Variants in KDM4C observed in about 807,000 individuals in gnomAD.
The protein encoded by KDM4C is lysine-specific demethylase 4C.
In KDM4C, 81 loss-of-function variants were observed where a neutral mutation model predicts 129.3. The ratio of observed to expected loss-of-function variants is 0.63; its 90% CI spans 0.52 to 0.75. The LOEUF is 0.75. Ranked by LOEUF, KDM4C falls within the 30% of genes least tolerant of loss-of-function variation. The pLI, the probability that KDM4C is intolerant of heterozygous loss-of-function variation, is 0.00. For synonymous variants in KDM4C, 573 were observed against 456.1 expected (o/e 1.26, Z -3.26); for missense variants, 1,457 against 1,304.0 (o/e 1.12, Z -1.81).
intron 19 of KDM4C, among the ~76,000 whole-genome samples, chr9:7,157,686 G>A (rs1295280354): frequency 6.6e-6 from 1 of 152,210 alleles, no homozygotes; most frequent in South Asian, 2.1e-4. Flanking sequence ...AACCAGCCTT[G>A]CATCCCAGGG....
At chr9:6,730,723 C>T (rs557443084) in intron 1 of KDM4C, among the ~76,000 whole-genome samples, 1 of 152,148 alleles carries the variant, frequency 6.6e-6, no homozygotes, top group East Asian at 1.9e-4. Flanking sequence ...TCCAGGGATG[C>T]CTCATGGTCA....
intron 1 of KDM4C, among the ~76,000 whole-genome samples, chr9:6,769,595 A>T (rs1241640861): frequency 6.6e-6 from 1 of 152,014 alleles, no homozygotes; most frequent in Non-Finnish European, 1.5e-5. Context: ...GTTAAAGCAC[A>T]GTAAAGAACC....
At chr9:6,854,952 A>T (rs929536525) in intron 5 of KDM4C, among the ~76,000 whole-genome samples, 1 of 152,160 alleles carries the variant, frequency 6.6e-6, no homozygotes, top group African/African-American at 2.4e-5. Context: ...CTCTCCTAAA[A>T]TACTCAGATG....
chr9:6,941,719 T>G (rs3818901), intron 8 of KDM4C: 39,381 of 152,138 alleles, frequency 0.26, 5,556 homozygotes, highest in South Asian at 0.42. Flanking sequence ...CATGCGCTCC[T>G]TACCACGGTC....
chr9:6,735,265 G>T (rs935534563), intron 1 of KDM4C, among the ~76,000 whole-genome samples: 1 of 152,070 alleles, frequency 6.6e-6, no homozygotes, highest in Non-Finnish European at 1.5e-5. Context: ...GTGTTGTCTG[G>T]TAGGAAAATG....
At chr9:6,963,388 A>G (rs112576951) in intron 8 of KDM4C, among the ~76,000 whole-genome samples, 1,939 of 152,336 alleles carry the variant, frequency 0.013, 45 homozygotes, top group African/African-American at 0.044. Context: ...GATAAGCACA[A>G]TCTTTGTCCT....
chr9:7,096,405 G>T (rs939523318), intron 17 of KDM4C, among the ~76,000 whole-genome samples: 1 of 152,176 alleles, frequency 6.6e-6, no homozygotes, highest in Non-Finnish European at 1.5e-5. Context: ...GGAAAAAAGG[G>T]CAGGAAGCAT....
At chr9:7,153,237 A>G (rs1842874203) in intron 19 of KDM4C, among the ~76,000 whole-genome samples, 1 of 152,174 alleles carries the variant, frequency 6.6e-6, no homozygotes, top group African/African-American at 2.4e-5. Context: ...CACCATGCCC[A>G]GCCTTAAAAA....
chr9:6,847,199 A>G (rs999244282), intron 4 of KDM4C, among the ~76,000 whole-genome samples: 4 of 152,222 alleles, frequency 2.6e-5, no homozygotes, highest in Admixed American at 2.0e-4. Flanking sequence ...TTCCTATAAT[A>G]TGGTGCTCAT....
At chr9:7,011,334 A>G (rs1563978626) in intron 12 of KDM4C, among the ~76,000 whole-genome samples, 1 of 152,234 alleles carries the variant, frequency 6.6e-6, no homozygotes, top group Non-Finnish European at 1.5e-5. Context: ...TCTCATAACT[A>G]GAAGATAATC....
chr9:6,860,326 G>C (rs539752487), intron 5 of KDM4C, among the ~76,000 whole-genome samples: 2 of 152,268 alleles, frequency 1.3e-5, no homozygotes, highest in South Asian at 4.1e-4. Context: ...CCCCACATTT[G>C]AAGGATTGAG....
chr9:6,891,373 T>C (rs1289822043), intron 7 of KDM4C, among the ~76,000 whole-genome samples: 1 of 152,222 alleles, frequency 6.6e-6, no homozygotes, highest in Non-Finnish European at 1.5e-5. Flanking sequence ...GGGTGAACTT[T>C]GAAAAGTTTA....
intron 8 of KDM4C, chr9:6,978,726 C>CTCTCCTGGATATCCA (rs1833356227): frequency 6.9e-6 from 1 of 145,868 alleles, no homozygotes; most frequent in Admixed American, 6.8e-5. Flanking sequence ...CAGTCCTGCA[C>CTCTCCTGGATATCCA]AGCTCTCTCC....
intron 15 of KDM4C, among the ~76,000 whole-genome samples, chr9:7,028,810 G>T (rs1351579697): frequency 6.6e-6 from 1 of 152,160 alleles, no homozygotes; most frequent in African/African-American, 2.4e-5. Flanking sequence ...CGCCAGGTCA[G>T]CTCAGCCAGG....
chr9:6,780,532 C>T (rs1824105982), intron 1 of KDM4C, among the ~76,000 whole-genome samples: 1 of 151,694 alleles, frequency 6.6e-6, no homozygotes, highest in Non-Finnish European at 1.5e-5. Flanking sequence ...TTTGGGAAGC[C>T]AAGGCAGGCA....
chr9:6,757,076 T>C (rs941843225), upstream of KDM4C, among the ~76,000 whole-genome samples: 3 of 152,168 alleles, frequency 2.0e-5, no homozygotes, highest in Non-Finnish European at 4.4e-5. Context: ...AAACATCTGA[T>C]GCTCAACCAT....
At chr9:6,970,867 G>C (rs1831863761) in intron 8 of KDM4C, among the ~76,000 whole-genome samples, 1 of 148,860 alleles carries the variant, frequency 6.7e-6, no homozygotes, top group African/African-American at 2.5e-5. Context: ...TGGAATGTAG[G>C]ATGAACCAAA....
intron 4 of KDM4C, chr9:6,834,921 G>T: frequency 8.6e-7 from 1 of 1,169,300 alleles, no homozygotes; most frequent in Middle Eastern, 1.9e-4. Flanking sequence ...ATGGACTCCG[G>T]TGACGGGGTC....
intron 4 of KDM4C, among the ~76,000 whole-genome samples, chr9:6,827,825 G>A (rs981807096): frequency 1.3e-5 from 2 of 152,330 alleles, no homozygotes; most frequent in Admixed American, 1.3e-4. Context: ...GTGAAATAAG[G>A]CTTCTAGGTA....
Sources: allele counts gnomAD v4.1 joint callset (sites outside exome capture counted in the v4.1 genomes callset), GRCh38; gene constraint gnomAD v4.1.1; transcripts MANE v1.5; gene names NCBI Gene and HGNC (gene_info 2026-07-23, HGNC 2026-07-21).